The following PRKCB variants were observed in gnomAD, a reference collection of about 807,000 sequenced individuals.
PRKCB encodes protein kinase C beta type.
PRKCB carries 13 observed loss-of-function variants against 81.5 expected under a neutral mutation model. The ratio of observed to expected loss-of-function variants is 0.16; its 90% CI spans 0.10 to 0.25. The LOEUF (loss-of-function observed/expected upper bound fraction) is 0.25. Ranked by LOEUF, PRKCB falls within the 10% of genes least tolerant of loss-of-function variation. The pLI is 1.00. For missense variants in PRKCB, 509 were observed against 875.7 expected (o/e 0.58, Z 5.29); for synonymous variants, 335 against 321.4 (o/e 1.04, Z -0.45).
rs1219753402 is a variant in PRKCB, at chr16:23,882,013, TCTTTCTTTCTTCCTTC to T, written c.205+44611_205+44626del. Among the ~76,000 whole-genome samples the T allele has an allele frequency of 6.2e-3, 140 of 22,558 alleles. 1 individual carries two copies. In the South Asian group the frequency reaches 0.067, roughly 11 times the overall value. 14.8% of individuals were successfully genotyped at this position (22,558 alleles called of 152,430 possible). On this transcript the variant is annotated intron_variant, in intron 2 of 16. Coordinates refer to ENST00000643927, the MANE Select transcript of PRKCB (RefSeq NM_002738.7). ...TTCTTTCTTTCTTTCTTTCTTTCTT[TCTTTCTTTCTTCCTTC>T]CTTCCTTCCTTCCTTCCTTCCTTCC...
chr16:23,948,797 C>T (rs1964237080), intron 2 of PRKCB, among the ~76,000 whole-genome samples: 1 of 152,220 alleles, frequency 6.6e-6, no homozygotes, highest in Admixed American at 6.5e-5. Context: ...GATGAACTAA[C>T]TTGCTCAAGG....
At chr16:23,925,317 T>C (rs1001523688) in intron 2 of PRKCB, among the ~76,000 whole-genome samples, 2 of 152,136 alleles carry the variant, frequency 1.3e-5, no homozygotes, top group African/African-American at 4.8e-5. Context: ...GGATCACTCC[T>C]CTCTCCCTTT....
At chr16:24,063,537 C>T (rs184483572) in intron 5 of PRKCB, among the ~76,000 whole-genome samples, 68 of 152,206 alleles carry the variant, frequency 4.5e-4, no homozygotes, top group African/African-American at 1.5e-3. Flanking sequence ...TCATGTGATC[C>T]GCCCGCCTTG....
At chr16:23,943,348 G>T (rs1483841218) in intron 2 of PRKCB, among the ~76,000 whole-genome samples, 1 of 152,086 alleles carries the variant, frequency 6.6e-6, no homozygotes, top group East Asian at 1.9e-4. Context: ...AACATAGCAA[G>T]ACCCCATCTC....
chr16:23,865,445 G>A (rs1315618948), intron 2 of PRKCB, among the ~76,000 whole-genome samples: 2 of 114,174 alleles, frequency 1.8e-5, no homozygotes, highest in African/African-American at 6.8e-5. Context: ...TGGAACTACA[G>A]GCATGTACAA....
intron 9 of PRKCB, among the ~76,000 whole-genome samples, chr16:24,144,317 C>G (rs802594): frequency 6.6e-6 from 1 of 151,744 alleles, no homozygotes; most frequent in Non-Finnish European, 1.5e-5. Flanking sequence ...TTTTTGAGAC[C>G]GAGTCTCACT....
intron 16 of PRKCB, among the ~76,000 whole-genome samples, chr16:24,211,623 A>G (rs1394284459): frequency 6.9e-6 from 1 of 145,584 alleles, no homozygotes; most frequent in Non-Finnish European, 1.5e-5. Flanking sequence ...CAATGGTGCC[A>G]TCTCAGCTCA....
chr16:24,124,858 ACCG>A (rs971312354), intron 9 of PRKCB, among the ~76,000 whole-genome samples: 75 of 152,184 alleles, frequency 4.9e-4, no homozygotes, highest in African/African-American at 1.8e-3. Context: ...GTTCCTGGCC[ACCG>A]CCCCCCACAG....
intron 7 of PRKCB, among the ~76,000 whole-genome samples, chr16:24,110,918 T>G (rs766942838): frequency 2.7e-4 from 41 of 152,338 alleles, no homozygotes; most frequent in Non-Finnish European, 4.7e-4. Flanking sequence ...AAATAAAAAG[T>G]GTCCTTTAAA....
At chr16:24,164,149 T>A (rs1967306471) in intron 10 of PRKCB, among the ~76,000 whole-genome samples, 1 of 152,084 alleles carries the variant, frequency 6.6e-6, no homozygotes, top group African/African-American at 2.4e-5. Flanking sequence ...GTGGCAAGTG[T>A]CCCCCTGGCA....
chr16:24,043,370 T>C (rs1235149711), intron 5 of PRKCB, among the ~76,000 whole-genome samples: 1 of 152,240 alleles, frequency 6.6e-6, no homozygotes, highest in South Asian at 2.1e-4. Flanking sequence ...TATGTATTCA[T>C]TGAAGAGCAA....
At chr16:24,132,866 G>T (rs1032054067) in intron 9 of PRKCB, among the ~76,000 whole-genome samples, 1 of 149,146 alleles carries the variant, frequency 6.7e-6, no homozygotes, top group South Asian at 2.1e-4. Context: ...CTGCAGCCAC[G>T]AACTCCTTGG....
chr16:24,194,371 ACCTC>A (rs1567408877), intron 16 of PRKCB, among the ~76,000 whole-genome samples: 6 of 151,942 alleles, frequency 3.9e-5, no homozygotes, highest in African/African-American at 1.2e-4. Context: ...CAAAAAAAAA[ACCTC>A]ACAATTTCTT....
In PRKCB at chr16:24,216,159, G is replaced by C. The variant is rs1199078859; in HGVS notation, c.*1343G>C. The C allele has an allele frequency of 1.0e-6, 1 of 985,446 alleles. No homozygotes were observed. The allele number at this position is 985,446 out of a possible 1,614,324, so 61.0% of individuals were successfully genotyped here. On this transcript the variant is annotated 3_prime_UTR_variant, in exon 17 of 17. Coordinates refer to ENST00000643927, the MANE Select transcript of PRKCB (RefSeq NM_002738.7). ...TGTTCAGCCACTCGGAGGGGCGGGG[G>C]CTGTGGCCCATTCAGGGGCTGCTGG...
chr16:24,176,040 C>A (rs1249086569), intron 12 of PRKCB, among the ~76,000 whole-genome samples: 1 of 149,968 alleles, frequency 6.7e-6, no homozygotes. Flanking sequence ...ATAGCGGAGG[C>A]CAGGCTATGG....
At chr16:24,042,250 C>T (rs1482779526) in intron 5 of PRKCB, among the ~76,000 whole-genome samples, 1 of 152,172 alleles carries the variant, frequency 6.6e-6, no homozygotes, top group Non-Finnish European at 1.5e-5. Flanking sequence ...AGCCATTCCT[C>T]CTCGGAGGCT....
chr16:24,042,722 A>G (rs573703468), intron 5 of PRKCB, among the ~76,000 whole-genome samples: 36 of 149,160 alleles, frequency 2.4e-4, no homozygotes, highest in African/African-American at 7.5e-4. Context: ...GGTGAAATGT[A>G]CATACAATGA....
Position 24,101,548 on chromosome 16 carries a change from A to G in PRKCB, c.821+7251A>G, listed in dbSNP as rs62027376. ...AGAAAGACCCTGTCTCAAAGTAAAT[A>G]AAGAAACAAATACAAATAAAAAATG... On this transcript the variant is annotated intron_variant, in intron 7 of 16. Coordinates refer to ENST00000643927, the MANE Select transcript of PRKCB (RefSeq NM_002738.7). 4.6e-3 allele frequency among the ~76,000 whole-genome samples: 704 copies of G among 152,360 alleles called. 1 individual carries two copies. Among genetic ancestry groups the G allele is most frequent in the Non-Finnish European group, 7.9e-3 (538 of 68,038 alleles).
intron 2 of PRKCB, among the ~76,000 whole-genome samples, chr16:23,880,146 G>C (rs1184017814): frequency 6.6e-6 from 1 of 152,192 alleles, no homozygotes; most frequent in African/African-American, 2.4e-5. Context: ...GTAGAAGCTA[G>C]GTCAGCTGGC....
Sources: gnomAD v4.1 joint callset for allele counts (sites outside exome capture counted in the v4.1 genomes callset) on GRCh38, gnomAD v4.1.1 for gene constraint, MANE v1.5 for transcripts, NCBI Gene and HGNC (gene_info 2026-07-23, HGNC 2026-07-21) for gene names.